MRPL51: variants seen among roughly 807,000 people sequenced by gnomAD.
The protein encoded by MRPL51 is mitochondrial ribosomal protein L51.
A neutral mutation model predicts 15.0 loss-of-function variants in MRPL51; 6 were observed. That is an observed-to-expected ratio of 0.40 (90% confidence interval 0.22 to 0.79). MRPL51 has a LOEUF of 0.79. MRPL51 is among the 30% of genes least tolerant of loss of function. MRPL51 has a pLI of 0.36. For synonymous variants in MRPL51, 65 were observed against 58.3 expected (o/e 1.11, Z -0.52); for missense variants, 155 against 166.4 (o/e 0.93, Z 0.38).
chr12:6,492,287 T>A lies in MRPL51; in HGVS notation c.371A>T (p.His124Leu). The change falls in exon 3 of 3, where the codon CAT (histidine) becomes CTT (leucine). Residue 124 changes from histidine (H) to leucine (L), a missense_variant. Coordinates refer to ENST00000229238, the MANE Select transcript of MRPL51 (RefSeq NM_016497.4). ...IRYLYKHFNRHGKFR is the reference protein window; with the variant it reads ...IRYLYKHFNRLGKFR ...CTTTCTCTTCTATCGAAACTTCCCA[T>A]GTCGGTTAAAGTGTTTGTAGAGATA... 1 of 1,602,018 alleles carries A rather than the reference T, an allele frequency of 6.2e-7. No homozygotes were observed. The highest frequency in any genetic ancestry group is 8.5e-7 in the Non-Finnish European group (1 of 1,175,514).
At position 6,493,074 on chromosome 12, in the gene MRPL51, G is replaced by A; in HGVS notation, c.63C>T (p.Cys21=). The A allele has an allele frequency of 6.2e-7, 1 of 1,613,444 alleles. No homozygotes were observed. Among genetic ancestry groups the A allele is most frequent in the South Asian group, 1.1e-5 (1 of 91,044 alleles). ...RRLWDWVPLA[C]RSFSLGVPRL... ...GCCACTTACCAAGAGAGAAGCTTCTGCACGCCAGAGGCACCCAGTCCCACA... is the reference window on the plus strand; with the variant it reads ...GCCACTTACCAAGAGAGAAGCTTCTACACGCCAGAGGCACCCAGTCCCACA... Residue 21 remains cysteine (C), a synonymous_variant, in exon 1 of 3, where the codon TGC becomes TGT. Transcript: ENST00000229238.
chr12:6,492,210 G>C lies in MRPL51; in HGVS notation c.*61C>G, dbSNP rs1945926609. ...CAAAGCCGTTTCCTCACAGGGAAAA[G>C]TACAGTTTCCCTTCTCCAGGGTGAC... On this transcript the variant is annotated 3_prime_UTR_variant, in exon 3 of 3. Transcript: ENST00000229238. 2 of 1,470,770 alleles carry C rather than the reference G, an allele frequency of 1.4e-6. No homozygotes were observed. The highest frequency in any genetic ancestry group is 1.8e-6 in the Non-Finnish European group (2 of 1,093,480). The allele number at this position is 1,470,770 out of a possible 1,614,324, so 91.1% of individuals were successfully genotyped here.
At position 6,492,172 on chromosome 12, in the gene MRPL51, T is replaced by A; in HGVS notation, c.*99A>T. ...AAATTCCAAAGAAGCCCCATTTTAT[T>A]ACAGAGAAAATACAAAGCCGTTTCC... On this transcript the variant is annotated 3_prime_UTR_variant, in exon 3 of 3. Coordinates refer to ENST00000229238, the MANE Select transcript of MRPL51 (RefSeq NM_016497.4). 1 of 1,290,144 alleles carries A rather than the reference T, an allele frequency of 7.8e-7. No homozygotes were observed. Among genetic ancestry groups the A allele is most frequent in the Non-Finnish European group, 1.1e-6 (1 of 936,892 alleles). 79.9% of individuals were successfully genotyped at this position (1,290,144 alleles called of 1,614,324 possible). A position where few individuals can be genotyped will look rare whatever the true frequency, so the allele number is the denominator to read the frequency against.
At position 6,492,963 on chromosome 12, in the gene MRPL51, C is replaced by CT. The variant is rs1945936597; in HGVS notation, c.88dup (p.Arg30LysfsTer16). The stretch of plus-strand genomic sequence containing the variant: ...GAGAGTGAGCCTTATACCGATCAAT[C>CT]TAGGCACACCTGGGGATGGGGAAGG... On this transcript the variant is annotated frameshift_variant, in exon 2 of 3. Transcript: ENST00000229238. LOFTEE classifies it high-confidence loss of function. 6.2e-7 allele frequency: 1 copy of CT among 1,613,782 alleles called. No individual in the cohort carries two copies. The highest frequency in any genetic ancestry group is 1.1e-5 in the South Asian group (1 of 91,080).
chr12:6,493,116 G>A lies in MRPL51; in HGVS notation c.21C>T (p.Ser7=), dbSNP rs781124869. 3 of 1,612,464 alleles carry A rather than the reference G, an allele frequency of 1.9e-6. No individual in the cohort carries two copies. The highest frequency in any genetic ancestry group is 1.3e-5 in the African/African-American group (1 of 74,982). ...AGTCCCACAGGCGCCTACCTGCCCC[G>A]GATAAGAGGTTCCCTGCCATTTCTC... MAGNLL[S]GAGRRLWDWV... Residue 7 remains serine (S), a synonymous_variant, in exon 1 of 3, where the codon TCC becomes TCT. Transcript: ENST00000229238.
At position 6,492,431 on chromosome 12, in the gene MRPL51, C is replaced by A; in HGVS notation, c.227G>T (p.Gly76Val). The change falls in exon 3 of 3, where the codon GGG becomes GTG. Residue 76 changes from glycine (G) to valine (V), a missense_variant. Physicochemically the swap from Gly to Val is moderately radical, Grantham distance 109 (BLOSUM62 -3). Transcript: ENST00000229238. ...FEKHPKELIR[G>V]PIWLRGWKGN... ...TTTCCAACCTCGAAGCCATATGGGCCCCCTGATCAGTTCTTTGGGGTGCTT... is the reference window on the plus strand; with the variant it reads ...TTTCCAACCTCGAAGCCATATGGGCACCCTGATCAGTTCTTTGGGGTGCTT... 1 of 1,612,616 alleles carries A rather than the reference C, an allele frequency of 6.2e-7. No individual in the cohort carries two copies. Among genetic ancestry groups the A allele is most frequent in the Non-Finnish European group, 8.5e-7 (1 of 1,179,472 alleles).
chr12:6,492,447 T>G lies in MRPL51; in HGVS notation c.211A>C (p.Lys71Gln), dbSNP rs760310024. 12 of 1,604,146 alleles carry G rather than the reference T, an allele frequency of 7.5e-6. No individual in the cohort carries two copies. In the East Asian group the frequency reaches 2.2e-4, roughly 30 times the overall value. Residue 71 changes from lysine to glutamine, a missense_variant, in exon 3 of 3, where the codon AAA (lysine) becomes CAA (glutamine). By Grantham distance (53) the Lys-to-Gln change is moderately conservative. Coordinates refer to ENST00000229238, the MANE Select transcript of MRPL51 (RefSeq NM_016497.4). ...CATATGGGCCCCCTGATCAGTTCTT[T>G]GGGGTGCTTTTCAAAGTTTCCTGTG... Reference protein sequence around the residue: ...GILGNFEKHPKELIRGPIWLR... With the variant: ...GILGNFEKHPQELIRGPIWLR...
Position 6,492,422 on chromosome 12 carries a change from C to T in MRPL51, c.236G>A (p.Trp79Ter). 2 of 1,613,652 alleles carry T rather than the reference C, an allele frequency of 1.2e-6. No individual in the cohort carries two copies. The highest frequency in any genetic ancestry group is 8.5e-7 in the Non-Finnish European group (1 of 1,179,854). Residue 79 changes from tryptophan to a stop codon, truncating the protein, a stop_gained, in exon 3 of 3, where the codon TGG becomes TAG. Transcript: ENST00000229238. LOFTEE classifies it high-confidence loss of function. ...TTCATTCCCTTTCCAACCTCGAAGCCATATGGGCCCCCTGATCAGTTCTTT... is the reference window on the plus strand; with the variant it reads ...TTCATTCCCTTTCCAACCTCGAAGCTATATGGGCCCCCTGATCAGTTCTTT... The part of the protein sequence containing the change: ...HPKELIRGPI[W>*]LRGWKGNELQ...
At chr12:6,492,507 G>T (rs756465282) in intron 2 of MRPL51, 40 bp from the exon 3 acceptor site, 92 of 1,551,930 alleles carry the variant, frequency 5.9e-5, no homozygotes, top group Non-Finnish European at 7.7e-5. Flanking sequence ...CAAGACAAGA[G>T]AACTCATCCT....
chr12:6,493,217 G>A lies in MRPL51; in HGVS notation c.-81C>T, dbSNP rs759152781. On this transcript the variant is annotated 5_prime_UTR_variant, in exon 1 of 3. Transcript: ENST00000229238. ...AACCGTCCCCGCCAACTTCACACGA[G>A]TACTAAGGCGAAGACAGCCATCTTG... 1.4e-6 allele frequency: 2 copies of A among 1,481,116 alleles called. No homozygotes were observed. Among genetic ancestry groups the A allele is most frequent in the African/African-American group, 1.4e-5 (1 of 71,392 alleles). 91.7% of individuals were successfully genotyped at this position (1,481,116 alleles called of 1,614,324 possible). A position where few individuals can be genotyped will look rare whatever the true frequency, so the allele number is the denominator to read the frequency against.
In MRPL51 at chr12:6,493,188, C is replaced by T. The variant is rs2137031045; in HGVS notation, c.-52G>A. The T allele has an allele frequency of 6.3e-7, 1 of 1,596,818 alleles. No individual in the cohort carries two copies. The highest frequency in any genetic ancestry group is 2.2e-5 in the East Asian group (1 of 44,728). ...ACACCAAATAAGCCCAAGAAGATGACAGGAACCGTCCCCGCCAACTTCACA... is the reference window on the plus strand; with the variant it reads ...ACACCAAATAAGCCCAAGAAGATGATAGGAACCGTCCCCGCCAACTTCACA... On this transcript the variant is annotated 5_prime_UTR_variant, in exon 1 of 3. Coordinates refer to ENST00000229238, the MANE Select transcript of MRPL51 (RefSeq NM_016497.4).
In MRPL51 at chr12:6,492,441, G is replaced by A; in HGVS notation, c.217C>T (p.Leu73=). 1 of 1,604,404 alleles carries A rather than the reference G, an allele frequency of 6.2e-7. No individual in the cohort carries two copies. Among genetic ancestry groups the A allele is most frequent in the Non-Finnish European group, 8.5e-7 (1 of 1,177,118 alleles). The part of the protein sequence containing the change: ...LGNFEKHPKE[L]IRGPIWLRGW... ...CGAAGCCATATGGGCCCCCTGATCA[G>A]TTCTTTGGGGTGCTTTTCAAAGTTT... The change falls in exon 3 of 3, where the codon CTG becomes TTG. Residue 73 remains leucine, a synonymous_variant. Coordinates refer to ENST00000229238, the MANE Select transcript of MRPL51 (RefSeq NM_016497.4).
Position 6,492,405 on chromosome 12 carries a change from C to T in MRPL51, c.253G>A (p.Gly85Arg). The T allele has an allele frequency of 1.2e-6, 2 of 1,614,014 alleles. No homozygotes were observed. Among genetic ancestry groups the T allele is most frequent in the Non-Finnish European group, 1.7e-6 (2 of 1,179,994 alleles). ...CGGATACAACGTTGCAATTCATTCC[C>T]TTTCCAACCTCGAAGCCATATGGGC... ...RGPIWLRGWK[G>R]NELQRCIRKR... The change falls in exon 3 of 3, where the codon GGG (glycine) becomes AGG (arginine). Residue 85 changes from glycine to arginine, a missense_variant. By Grantham distance (125) the Gly-to-Arg change is moderately radical. Coordinates refer to ENST00000229238, the MANE Select transcript of MRPL51 (RefSeq NM_016497.4).
At position 6,493,244 on chromosome 12, in the gene MRPL51, G is replaced by A. The variant is rs1444963491; in HGVS notation, c.-108C>T. On this transcript the variant is annotated 5_prime_UTR_variant, in exon 1 of 3. Transcript: ENST00000229238. Reference sequence around the variant, plus strand: ...ACTAAGGCGAAGACAGCCATCTTGGGCCTTACCCAGGCAGCTGTGGGCGCA... The same window carrying A: ...ACTAAGGCGAAGACAGCCATCTTGGACCTTACCCAGGCAGCTGTGGGCGCA... The A allele has an allele frequency of 4.1e-6, 5 of 1,228,642 alleles. No individual in the cohort carries two copies. Among genetic ancestry groups the A allele is most frequent in the Non-Finnish European group, 4.6e-6 (4 of 876,206 alleles). The allele number at this position is 1,228,642 out of a possible 1,614,324, so 76.1% of individuals were successfully genotyped here. A position where few individuals can be genotyped will look rare whatever the true frequency, so the allele number is the denominator to read the frequency against.
Position 6,492,482 on chromosome 12 carries a change from A to G in MRPL51, c.191-15T>C. ...TTCAAAGTTTCCTGTGTAATGTGAG[A>G]GAACACATTAGATCCAAGACAAGAG... is the stretch of plus-strand genomic sequence containing the variant. On this transcript the variant is annotated splice_polypyrimidine_tract_variant and intron_variant, in intron 2 of 2. Transcript: ENST00000229238. 1 of 1,583,028 alleles carries G rather than the reference A, an allele frequency of 6.3e-7. No individual in the cohort carries two copies. Among genetic ancestry groups the G allele is most frequent in the Non-Finnish European group, 8.6e-7 (1 of 1,166,426 alleles).
In MRPL51 at chr12:6,493,058, C is replaced by T; in HGVS notation, c.79G>A (p.Gly27Ser). 1 of 1,613,872 alleles carries T rather than the reference C, an allele frequency of 6.2e-7. No homozygotes were observed. The highest frequency in any genetic ancestry group is 8.5e-7 in the Non-Finnish European group (1 of 1,180,016). ...CGGGGTGCCTACATCAGCCACTTAC[C>T]AAGAGAGAAGCTTCTGCACGCCAGA... ...VPLACRSFSL[G>S]VPRLIGIRLT... The change falls in exon 1 of 3, where the codon GGT becomes AGT. Residue 27 changes from glycine (G) to serine (S), a missense_variant and splice_region_variant. By Grantham distance (56) the Gly-to-Ser change is moderately conservative. Coordinates refer to ENST00000229238, the MANE Select transcript of MRPL51 (RefSeq NM_016497.4).
At position 6,492,481 on chromosome 12, in the gene MRPL51, G is replaced by A. The variant is rs2137030384; in HGVS notation, c.191-14C>T. 3 of 1,587,878 alleles carry A rather than the reference G, an allele frequency of 1.9e-6. No individual in the cohort carries two copies. The highest frequency in any genetic ancestry group is 1.7e-4 in the Middle Eastern group (1 of 5,936). Reference sequence around the variant, plus strand: ...TTTCAAAGTTTCCTGTGTAATGTGAGAGAACACATTAGATCCAAGACAAGA... The same window carrying A: ...TTTCAAAGTTTCCTGTGTAATGTGAAAGAACACATTAGATCCAAGACAAGA... On this transcript the variant is annotated splice_polypyrimidine_tract_variant and intron_variant, in intron 2 of 2. Coordinates refer to ENST00000229238, the MANE Select transcript of MRPL51 (RefSeq NM_016497.4).
chr12:6,492,701 C>G (rs1366216954), intron 2 of MRPL51, among the ~76,000 whole-genome samples, 161 bp downstream of exon 2: 1 of 152,108 alleles, frequency 6.6e-6, no homozygotes, highest in African/African-American at 2.4e-5. Context: ...AAAAATTATA[C>G]GAGGGGACTC....
rs759477625 is a variant in MRPL51, at chr12:6,492,416, C to T, written c.242G>A (p.Arg81Gln). The T allele has an allele frequency of 3.1e-6, 5 of 1,613,868 alleles. No individual in the cohort carries two copies. Among genetic ancestry groups the T allele is most frequent in the Non-Finnish European group, 4.2e-6 (5 of 1,179,938 alleles). Reference sequence around the variant, plus strand: ...TTGCAATTCATTCCCTTTCCAACCTCGAAGCCATATGGGCCCCCTGATCAG... The same window carrying T: ...TTGCAATTCATTCCCTTTCCAACCTTGAAGCCATATGGGCCCCCTGATCAG... ...KELIRGPIWLRGWKGNELQRC... is the reference protein window; with the variant it reads ...KELIRGPIWLQGWKGNELQRC... Residue 81 changes from arginine (R) to glutamine (Q), a missense_variant, in exon 3 of 3, where the codon CGA becomes CAA. By Grantham distance (43) the Arg-to-Gln change is conservative (BLOSUM62 1). Transcript: ENST00000229238.
Sources: gnomAD v4.1 joint callset for allele counts (sites outside exome capture counted in the v4.1 genomes callset) on GRCh38, gnomAD v4.1.1 for gene constraint, MANE v1.5 for transcripts, NCBI Gene and HGNC (gene_info 2026-07-23, HGNC 2026-07-21) for gene names.